Variants in DNAJC6 observed in about 807,000 individuals in gnomAD.
DNAJC6 encodes the protein auxilin.
A neutral mutation model predicts 110.0 loss-of-function variants in DNAJC6; 34 were observed. The ratio of observed to expected loss-of-function variants is 0.31; its 90% CI spans 0.24 to 0.41. The LOEUF is 0.41. DNAJC6 is among the 10% of genes least tolerant of loss of function. DNAJC6 has a pLI of 1.00. For missense variants in DNAJC6, 1,031 were observed against 1,207.8 expected, an observed-to-expected ratio of 0.85 and a Z score of 2.17; for synonymous variants, 406 against 437.2, an observed-to-expected ratio of 0.93 and a Z score of 0.89.
At chr1:65,336,484 A>G (rs1400999839) in intron 1 of DNAJC6, among the ~76,000 whole-genome samples, 1 of 152,198 alleles carries the variant, frequency 6.6e-6, no homozygotes, top group South Asian at 2.1e-4. Context: ...TCAAATATAC[A>G]AAAAAGTAAA....
At chr1:65,410,391 A>G (rs372820418) in intron 17 of DNAJC6, among the ~76,000 whole-genome samples, 9 of 152,352 alleles carry the variant, frequency 5.9e-5, no homozygotes, top group Admixed American at 3.3e-4. Flanking sequence ...CAGAAGCTTA[A>G]TATTTCTTCC....
chr1:65,396,334 C>T (rs1645976743), intron 13 of DNAJC6, among the ~76,000 whole-genome samples: 1 of 152,160 alleles, frequency 6.6e-6, no homozygotes, highest in Non-Finnish European at 1.5e-5. Context: ...CATTGCTCTG[C>T]TCAAAATGCC....
chr1:65,284,168 C>T (rs1485732826), intron 1 of DNAJC6, among the ~76,000 whole-genome samples: 3 of 152,176 alleles, frequency 2.0e-5, no homozygotes, highest in Non-Finnish European at 4.4e-5. Context: ...CAGTCCTTTC[C>T]TTTACCTCAG....
chr1:65,364,344 A>C (rs1570329099), intron 1 of DNAJC6, among the ~76,000 whole-genome samples: 1 of 151,852 alleles, frequency 6.6e-6, no homozygotes, highest in Admixed American at 6.6e-5. Context: ...TTCAGTTGAG[A>C]CTAGCCATAT....
At chr1:65,353,059 A>T (rs1161116900) in intron 1 of DNAJC6, among the ~76,000 whole-genome samples, 4 of 152,126 alleles carry the variant, frequency 2.6e-5, no homozygotes. Context: ...TCTATTCTCT[A>T]TCATAGACAA....
chr1:65,356,946 CT>C (rs1645549729), intron 1 of DNAJC6, among the ~76,000 whole-genome samples: 1 of 152,170 alleles, frequency 6.6e-6, no homozygotes, highest in African/African-American at 2.4e-5. Flanking sequence ...AAAGCAGTGG[CT>C]TTTTCCATGG....
intron 1 of DNAJC6, among the ~76,000 whole-genome samples, chr1:65,333,452 G>T (rs879758694): frequency 7.2e-5 from 11 of 152,062 alleles, no homozygotes; most frequent in African/African-American, 1.2e-4. Context: ...CTTTACAACT[G>T]CCTTGTAAAC....
rs1009173720 is a variant in DNAJC6, at chr1:65,295,005, T to C, written c.-131+30073T>C. Reference sequence around the variant, plus strand: ...ATTTAGGCATCTGAAGTTTTTCTTTTTATGTGTTATAGAGAAGTAGGGATG... The same window carrying C: ...ATTTAGGCATCTGAAGTTTTTCTTTCTATGTGTTATAGAGAAGTAGGGATG... On this transcript the variant is annotated intron_variant, in intron 1 of 19. Coordinates refer to the DNAJC6 transcript ENST00000263441. 2.0e-5 allele frequency among the ~76,000 whole-genome samples: 3 copies of C among 152,232 alleles called. No homozygotes were observed. In the East Asian group the frequency reaches 5.8e-4, roughly 29 times the overall value.
chr1:65,387,049 G>A (rs1354879003), intron 8 of DNAJC6, 120 bp downstream of exon 8: 6 of 858,856 alleles, frequency 7.0e-6, no homozygotes, highest in East Asian at 2.5e-5. Flanking sequence ...ATGAAAAAGA[G>A]CGTTTAAAGA....
intron 1 of DNAJC6, among the ~76,000 whole-genome samples, chr1:65,340,199 G>A (rs6674395): frequency 0.6 from 90,967 of 152,050 alleles, 28,011 homozygotes; most frequent in African/African-American, 0.74. Context: ...CAAATGCCTG[G>A]ACCCTTGCCT....
In DNAJC6 at chr1:65,388,399, G is replaced by A. The variant is rs773759149; in HGVS notation, c.1177G>A (p.Val393Ile). ...HTGFIPLDTTVLKFTKPELDA... is the reference protein window; with the variant it reads ...HTGFIPLDTTILKFTKPELDA... The stretch of plus-strand genomic sequence containing the variant: ...TGGATTCATACCACTGGACACAACA[G>A]TTTTAAAGTTCACCAAGTAAGTACT... Residue 393 changes from valine to isoleucine, a missense_variant, in exon 9 of 19, where the codon GTT (valine) becomes ATT (isoleucine). Physicochemically the swap from Val to Ile is conservative, Grantham distance 29. Coordinates refer to ENST00000371069, the MANE Select transcript of DNAJC6 (RefSeq NM_001256864.2). 1 of 1,613,898 alleles carries A rather than the reference G, an allele frequency of 6.2e-7. No homozygotes were observed. The highest frequency in any genetic ancestry group is 1.3e-5 in the African/African-American group (1 of 74,906).
intron 1 of DNAJC6, among the ~76,000 whole-genome samples, chr1:65,283,151 G>T (rs568384338): frequency 6.6e-6 from 1 of 152,272 alleles, no homozygotes; most frequent in East Asian, 1.9e-4. Flanking sequence ...GGTTTCACCA[G>T]TCACACATGC....
Position 65,309,645 on chromosome 1 carries a change from T to G in DNAJC6, c.-101T>G. The G allele has an allele frequency of 2.8e-6, 4 of 1,423,352 alleles. No homozygotes were observed. The highest frequency in any genetic ancestry group is 1.8e-6 in the Non-Finnish European group (2 of 1,091,804). The allele number at this position is 1,423,352 out of a possible 1,614,324, so 88.2% of individuals were successfully genotyped here. On this transcript the variant is annotated 5_prime_UTR_variant, in exon 1 of 19. An upstream open reading frame in the 5' UTR loses its in-frame stop. Transcript: ENST00000371069. ...TCCTCTTTGCGTCATGTCGGGCACT[T>G]AATTTTTTTTTTTTTTTAATTCCTT... is the stretch of plus-strand genomic sequence containing the variant.
In DNAJC6 at chr1:65,405,981, A is replaced by T; in HGVS notation, c.2339A>T (p.Gln780Leu). ...CCCCAGCCTATGGGTGGCGGGTGGCAGCAGGGAGGTGCCTACAACTGGCAG... is the reference window on the plus strand; with the variant it reads ...CCCCAGCCTATGGGTGGCGGGTGGCTGCAGGGAGGTGCCTACAACTGGCAG... ...ASPQPMGGGW[Q>L]QGGAYNWQQP... Residue 780 changes from glutamine (Q) to leucine (L), a missense_variant, in exon 16 of 19, where the codon CAG becomes CTG. By Grantham distance (113) the Gln-to-Leu change is moderately radical. Transcript: ENST00000371069. 1 of 1,614,218 alleles carries T rather than the reference A, an allele frequency of 6.2e-7. No individual in the cohort carries two copies. Among genetic ancestry groups the T allele is most frequent in the African/African-American group, 1.3e-5 (1 of 75,056 alleles).
At chr1:65,370,676 A>G (rs1257923091) in intron 4 of DNAJC6, among the ~76,000 whole-genome samples, 1 of 152,196 alleles carries the variant, frequency 6.6e-6, no homozygotes, top group Admixed American at 6.6e-5. Context: ...CAGCAAAGAA[A>G]TCTGCAGCCC....
rs114326600 is a variant in DNAJC6, at chr1:65,401,462, C to T, written c.2108-299C>T. ...CAGAATCCAGATCCAGACCTAACTT[C>T]GAATCTTATAGGAAAGAGTGAAGTC... On this transcript the variant is annotated intron_variant, in intron 14 of 18. Transcript: ENST00000371069. Among the ~76,000 whole-genome samples the T allele has an allele frequency of 1.0e-3, 155 of 152,286 alleles. 2 individuals are homozygous for T. The highest frequency in any genetic ancestry group is 1.8e-3 in the Non-Finnish European group (120 of 68,034).
intron 1 of DNAJC6, among the ~76,000 whole-genome samples, chr1:65,358,660 T>A: frequency 6.6e-6 from 1 of 152,244 alleles, no homozygotes; most frequent in East Asian, 1.9e-4. Context: ...TGTTGTAGCC[T>A]GCTTATTTTA....
intron 5 of DNAJC6, among the ~76,000 whole-genome samples, chr1:65,382,671 T>A (rs530891428): frequency 6.6e-6 from 1 of 152,346 alleles, no homozygotes; most frequent in Non-Finnish European, 1.5e-5. Context: ...TAATAAAAGC[T>A]TATGTTGTTA....
intron 1 of DNAJC6, among the ~76,000 whole-genome samples, chr1:65,282,495 G>T (rs1363190416): frequency 6.6e-6 from 1 of 152,166 alleles, no homozygotes; most frequent in Non-Finnish European, 1.5e-5. Context: ...TAGGGGAGGG[G>T]ATTAGGGCCA....
Sources: gnomAD v4.1 joint callset for allele counts (sites outside exome capture counted in the v4.1 genomes callset) on GRCh38, gnomAD v4.1.1 for gene constraint, MANE v1.5 for transcripts, NCBI Gene and HGNC (gene_info 2026-07-23, HGNC 2026-07-21) for gene names.